KRT79: variants seen among roughly 807,000 people sequenced by gnomAD.
KRT79 encodes the protein keratin 79, also known as keratin, type II cytoskeletal 79.
A neutral mutation model predicts 49.0 loss-of-function variants in KRT79; 51 were observed. That is an observed-to-expected ratio of 1.04 (90% CI 0.83 to 1.31). The LOEUF (loss-of-function observed/expected upper bound fraction) is 1.31, where lower values mean the gene tolerates loss of function less well. Among genes scored for constraint, KRT79 ranks in the 40% most tolerant of loss-of-function variants. The pLI is 0.00. For missense variants in KRT79, 728 were observed against 688.0 expected (o/e 1.06, Z -0.65); for synonymous variants, 312 against 286.6 (o/e 1.09, Z -0.90).
chr12:52,827,320 T>G (rs1940190188), intron 4 of KRT79, among the ~76,000 whole-genome samples: 1 of 152,254 alleles, frequency 6.6e-6, no homozygotes, highest in East Asian at 1.9e-4. Context: ...ACTTTGTCTT[T>G]GTTGCTATGT....
At chr12:52,822,192 G>C in intron 8 of KRT79, 115 bp from the exon 9 acceptor site, 1 of 1,315,414 alleles carries the variant, frequency 7.6e-7, no homozygotes, top group Non-Finnish European at 1.1e-6. Flanking sequence ...ATGGGAAATG[G>C]ATAGAGAAGC....
intron 1 of KRT79, among the ~76,000 whole-genome samples, chr12:52,832,987 G>T (rs2121291029): frequency 6.6e-6 from 1 of 152,326 alleles, no homozygotes; most frequent in Non-Finnish European, 1.5e-5. Flanking sequence ...AGGTACATTT[G>T]TCTGCCAGAC....
intron 4 of KRT79, 35 bp downstream of exon 4, chr12:52,829,988 G>C (rs1940227856): frequency 6.4e-7 from 1 of 1,560,894 alleles, no homozygotes; most frequent in Non-Finnish European, 8.8e-7. Flanking sequence ...TGTTTATAGT[G>C]TATGCAAACT....
Position 52,833,799 on chromosome 12 carries a change from G to A in KRT79, c.462C>T (p.Ala154=). Residue 154 remains alanine (A), a synonymous_variant, in exon 1 of 9, where the codon GCC becomes GCT. Transcript: ENST00000330553. Reference sequence around the variant, plus strand: ...CTTGGCCCACCTTGTCGATGAAGGAGGCGAACTTGTTGTTGAGGGTCTTGA... The same window carrying A: ...CTTGGCCCACCTTGTCGATGAAGGAAGCGAACTTGTTGTTGAGGGTCTTGA... ...EQIKTLNNKF[A]SFIDKVRFLE... The A allele has an allele frequency of 6.2e-7, 1 of 1,613,840 alleles. No homozygotes were observed. Among genetic ancestry groups the A allele is most frequent in the Non-Finnish European group, 8.5e-7 (1 of 1,179,922 alleles).
At chr12:52,830,354 C>T (rs1940235186) in intron 2 of KRT79, 62 bp from the exon 3 acceptor site, 1 of 1,485,814 alleles carries the variant, frequency 6.7e-7, no homozygotes, top group African/African-American at 1.4e-5. Flanking sequence ...GCATGGGACC[C>T]ACTCAGCCTT....
At position 52,823,106 on chromosome 12, in the gene KRT79, A is replaced by G. The variant is rs1940121209; in HGVS notation, c.1277T>C (p.Leu426Pro). ...HQAKEDLTRLLRDYQELMNVK... is the reference protein window; with the variant it reads ...HQAKEDLTRLPRDYQELMNVK... ...ATTCATCAGCTCCTGGTAGTCACGCAGCAGCCGTGTCAGGTCCTCCTTGGC... is the reference window on the plus strand; with the variant it reads ...ATTCATCAGCTCCTGGTAGTCACGCGGCAGCCGTGTCAGGTCCTCCTTGGC... The change falls in exon 7 of 9, where the codon CTG (leucine) becomes CCG (proline). Residue 426 changes from leucine to proline, a missense_variant. Transcript: ENST00000330553. 1 of 1,614,186 alleles carries G rather than the reference A, an allele frequency of 6.2e-7. No individual in the cohort carries two copies.
At chr12:52,823,424 T>C (rs2121276331) in intron 6 of KRT79, among the ~76,000 whole-genome samples, 188 bp from the exon 7 acceptor site, 1 of 152,266 alleles carries the variant, frequency 6.6e-6, no homozygotes, top group Non-Finnish European at 1.5e-5. Context: ...ACTGGGAAAG[T>C]CCTTACTGAA....
chr12:52,833,985 G>A lies in KRT79; in HGVS notation c.276C>T (p.Ser92=). The A allele has an allele frequency of 6.2e-7, 1 of 1,612,586 alleles. No individual in the cohort carries two copies. Among genetic ancestry groups the A allele is most frequent in the East Asian group, 2.2e-5 (1 of 44,824 alleles). The change falls in exon 1 of 9, where the codon AGC becomes AGT. Residue 92 remains serine (S), a synonymous_variant. Transcript: ENST00000330553. The part of the protein sequence containing the change: ...GRALGGFGFG[S]RAFMGQGAGR... The stretch of plus-strand genomic sequence containing the variant: ...CAGCCCCCTGTCCCATAAATGCCCT[G>A]CTGCCAAAGCCAAAGCCCCCCAGAG...
chr12:52,830,542 A>G (rs1940238604), intron 2 of KRT79: 2 of 508,126 alleles, frequency 3.9e-6, no homozygotes, highest in Admixed American at 3.4e-5. Flanking sequence ...AAGAGCTGCC[A>G]TCTCTTTGGA....
intron 1 of KRT79, among the ~76,000 whole-genome samples, chr12:52,832,226 C>A (rs570772482): frequency 6.6e-6 from 1 of 152,170 alleles, no homozygotes; most frequent in East Asian, 1.9e-4. Flanking sequence ...TATGACTGTA[C>A]CACTGCACTC....
intron 4 of KRT79, among the ~76,000 whole-genome samples, chr12:52,827,182 G>A (rs192179889): frequency 2.0e-4 from 30 of 152,144 alleles, no homozygotes; most frequent in African/African-American, 7.0e-4. Context: ...CAACTCAGAA[G>A]TCACCTCCCT....
chr12:52,821,907 T>C lies in KRT79; in HGVS notation c.1573A>G (p.Thr525Ala). The change falls in exon 9 of 9, where the codon ACC (threonine) becomes GCC (alanine). Residue 525 changes from threonine to alanine, a missense_variant. Coordinates refer to ENST00000330553, the MANE Select transcript of KRT79 (RefSeq NM_175834.3). ...TGGCTGGACGTCTTGACCGTAGTGG[T>C]CTTCCGCAGGATGGAGGTGCCCGCA... is the stretch of plus-strand genomic sequence containing the variant. ...VSAGTSILRKTTTVKTSSQRY is the reference protein window; with the variant it reads ...VSAGTSILRKATTVKTSSQRY 6.2e-7 allele frequency: 1 copy of C among 1,614,096 alleles called. No homozygotes were observed. Among genetic ancestry groups the C allele is most frequent in the South Asian group, 1.1e-5 (1 of 91,066 alleles).
In KRT79 at chr12:52,822,340, C is replaced by T. The variant is rs568288818; in HGVS notation, c.1402+5G>A. On this transcript the variant is annotated splice_donor_5th_base_variant and intron_variant, in intron 8 of 8. Coordinates refer to ENST00000330553, the MANE Select transcript of KRT79 (RefSeq NM_175834.3). ...TGGAGCAGGAAGTGGGGAGTAAATA[C>T]TCACAAATGCTGACTGCACTGGGAC... 3.1e-6 allele frequency: 5 copies of T among 1,606,630 alleles called. No homozygotes were observed. The highest frequency in any genetic ancestry group is 1.1e-5 in the South Asian group (1 of 89,016).
At chr12:52,829,986 G>T in intron 4 of KRT79, 37 bp downstream of exon 4, 1 of 1,554,476 alleles carries the variant, frequency 6.4e-7, no homozygotes, top group South Asian at 1.1e-5. Context: ...GCTGTTTATA[G>T]TGTATGCAAA....
At position 52,821,960 on chromosome 12, in the gene KRT79, T is replaced by G; in HGVS notation, c.1520A>C (p.Tyr507Ser). 1 of 1,614,158 alleles carries G rather than the reference T, an allele frequency of 6.2e-7. No homozygotes were observed. Among genetic ancestry groups the G allele is most frequent in the Non-Finnish European group, 8.5e-7 (1 of 1,180,028 alleles). ...TKGGFSTNVG[Y>S]STVKGGPVSA... ...GACTGGCCCTCCCTTGACGGTGCTA[T>G]AGCCCACATTTGTGCTGAATCCACC... The change falls in exon 9 of 9, where the codon TAT becomes TCT. Residue 507 changes from tyrosine (Y) to serine (S), a missense_variant. By Grantham distance (144) the Tyr-to-Ser change is moderately radical. Coordinates refer to ENST00000330553, the MANE Select transcript of KRT79 (RefSeq NM_175834.3).
intron 7 of KRT79, 61 bp from the exon 8 acceptor site, chr12:52,822,440 C>G: frequency 4.5e-6 from 5 of 1,108,994 alleles, no homozygotes; most frequent in Non-Finnish European, 6.5e-6. Flanking sequence ...CATGAAAACC[C>G]TCTCCTTCCC....
chr12:52,822,937 A>AC, intron 7 of KRT79, 79 bp downstream of exon 7: 1 of 1,433,020 alleles, frequency 7.0e-7, no homozygotes, highest in South Asian at 1.3e-5. Flanking sequence ...CCCTCTCTTG[A>AC]CCCCGGAGCA....
At chr12:52,823,864 C>T in intron 6 of KRT79, 23 bp downstream of exon 6, 3 of 1,605,726 alleles carry the variant, frequency 1.9e-6, no homozygotes, top group Non-Finnish European at 2.5e-6. Flanking sequence ...GGCCAGACCC[C>T]CAAGCCCCCA....
At position 52,831,496 on chromosome 12, in the gene KRT79, C is replaced by T. The variant is rs144814890; in HGVS notation, c.608G>A (p.Arg203Gln). ...GCTCTGAAGTCTGTCCAGCGTGCTC[C>T]GCATGCTACCCAGGTAGGCCTCAAA... ...PLFEAYLGSM[R>Q]STLDRLQSER... The change falls in exon 2 of 9, where the codon CGG (arginine) becomes CAG (glutamine). Residue 203 changes from arginine (R) to glutamine (Q), a missense_variant. Coordinates refer to ENST00000330553, the MANE Select transcript of KRT79 (RefSeq NM_175834.3). The T allele has an allele frequency of 1.0e-3, 1,658 of 1,614,212 alleles. 1 individual carries two copies. The highest frequency in any genetic ancestry group is 1.3e-3 in the Non-Finnish European group (1,528 of 1,180,014).
Sources: allele counts gnomAD v4.1 joint callset (sites outside exome capture counted in the v4.1 genomes callset), GRCh38; gene constraint gnomAD v4.1.1; transcripts MANE v1.5; gene names NCBI Gene and HGNC (gene_info 2026-07-23, HGNC 2026-07-21).